The following SNX29 variants were observed in gnomAD, a reference collection of about 807,000 sequenced individuals.
SNX29 encodes sorting nexin-29.
Under a neutral mutation model 102.1 loss-of-function variants are expected in SNX29, and 78 were observed. The observed-to-expected ratio is 0.76, with a 90% CI of 0.64 to 0.92. SNX29 has a LOEUF of 0.92. SNX29 is among the 40% of genes least tolerant of loss of function. SNX29 has a pLI of 0.00. For missense variants in SNX29, 1,280 were observed against 1,061.7 expected, an observed-to-expected ratio of 1.21 and a Z score of -2.86; for synonymous variants, 580 against 414.5, an observed-to-expected ratio of 1.40 and a Z score of -4.85.
intron 19 of SNX29, among the ~76,000 whole-genome samples, chr16:12,483,221 C>G (rs57644734): frequency 0.12 from 16,701 of 141,932 alleles, 1,187 homozygotes; most frequent in African/African-American, 0.21. Context: ...GTTGGCCAGG[C>G]TGGTCTTGAA....
intron 3 of SNX29, among the ~76,000 whole-genome samples, chr16:12,022,213 T>TC (rs2057047720): frequency 6.7e-6 from 1 of 150,056 alleles, no homozygotes; most frequent in African/African-American, 2.4e-5. Context: ...TTTTTTTTTT[T>TC]CTTTGAGGCA....
intron 3 of SNX29, among the ~76,000 whole-genome samples, chr16:12,012,540 C>G (rs925271435): frequency 6.6e-6 from 1 of 152,088 alleles, no homozygotes; most frequent in African/African-American, 2.4e-5. Context: ...TCCCGAGTAG[C>G]TGGGACTACA....
At chr16:12,322,180 G>A (rs1257653365) in intron 15 of SNX29, among the ~76,000 whole-genome samples, 1 of 152,148 alleles carries the variant, frequency 6.6e-6, no homozygotes, top group East Asian at 1.9e-4. Context: ...GGGGACCTAG[G>A]GTAGAACCCA....
intron 13 of SNX29, among the ~76,000 whole-genome samples, chr16:12,147,524 C>G (rs1024357787): frequency 6.6e-6 from 1 of 151,974 alleles, no homozygotes; most frequent in African/African-American, 2.4e-5. Context: ...TTGAGGGATA[C>G]CAAAAGAGCC....
At chr16:12,517,229 CT>C (rs1056661629) in intron 19 of SNX29, among the ~76,000 whole-genome samples, 25 of 152,160 alleles carry the variant, frequency 1.6e-4, no homozygotes, top group Non-Finnish European at 2.9e-4. Context: ...AGTCCTGTGG[CT>C]TCTCATCTGA....
At chr16:12,212,450 T>A (rs2077211334) in intron 14 of SNX29, among the ~76,000 whole-genome samples, 1 of 152,104 alleles carries the variant, frequency 6.6e-6, no homozygotes, top group Non-Finnish European at 1.5e-5. Context: ...TGGGGAAGTG[T>A]TAATAGAACT....
chr16:12,006,060 C>A (rs1488851104), intron 3 of SNX29, among the ~76,000 whole-genome samples: 10 of 151,934 alleles, frequency 6.6e-5, no homozygotes, highest in Admixed American at 6.6e-4. Flanking sequence ...AATAATAGGC[C>A]AGGCGCTGTG....
At chr16:12,039,565 A>G (rs1369200757) in intron 4 of SNX29, among the ~76,000 whole-genome samples, 1 of 151,956 alleles carries the variant, frequency 6.6e-6, no homozygotes, top group Non-Finnish European at 1.5e-5. Flanking sequence ...GTTTCTGGAG[A>G]TGGGTGTACT....
At chr16:12,437,161 T>G (rs2085575506) in intron 18 of SNX29, among the ~76,000 whole-genome samples, 1 of 152,270 alleles carries the variant, frequency 6.6e-6, no homozygotes, top group South Asian at 2.1e-4. Flanking sequence ...AATCCTGTAA[T>G]TTTTCAGGGT....
At chr16:12,080,405 C>T (rs551307368) in intron 11 of SNX29, among the ~76,000 whole-genome samples, 259 of 152,254 alleles carry the variant, frequency 1.7e-3, no homozygotes, top group African/African-American at 5.9e-3. Flanking sequence ...CCCTGAACTC[C>T]GCTGAGCAGG....
chr16:12,477,640 C>G (rs2087716861), intron 18 of SNX29, 79 bp from the exon 19 acceptor site: 1 of 1,555,240 alleles, frequency 6.4e-7, no homozygotes, highest in South Asian at 1.2e-5. Context: ...AGTTGGTTTT[C>G]ATGGGGAAAG....
At chr16:12,407,405 G>A (rs1289976066) in intron 18 of SNX29, among the ~76,000 whole-genome samples, 2 of 151,808 alleles carry the variant, frequency 1.3e-5, no homozygotes, top group Admixed American at 1.3e-4. Flanking sequence ...ATTTACCATG[G>A]TGATGTACAG....
intron 15 of SNX29, among the ~76,000 whole-genome samples, chr16:12,349,392 A>G (rs2081929100): frequency 6.6e-6 from 1 of 152,226 alleles, no homozygotes; most frequent in Admixed American, 6.5e-5. Flanking sequence ...TATTTCAATG[A>G]ACATTTCTAG....
chr16:12,112,352 A>G (rs1428456660), intron 11 of SNX29, among the ~76,000 whole-genome samples: 10 of 152,164 alleles, frequency 6.6e-5, no homozygotes, highest in Non-Finnish European at 1.5e-4. Context: ...CTTGGTGAGG[A>G]GGCAACTCAG....
chr16:12,444,960 T>C (rs985629261), intron 18 of SNX29, among the ~76,000 whole-genome samples: 2 of 151,680 alleles, frequency 1.3e-5, no homozygotes, highest in African/African-American at 4.8e-5. Flanking sequence ...CAAGGGGTTC[T>C]CCTGCGTCAG....
intron 15 of SNX29, among the ~76,000 whole-genome samples, chr16:12,346,050 T>G (rs1447132245): frequency 3.9e-5 from 6 of 152,068 alleles, no homozygotes; most frequent in Non-Finnish European, 4.4e-5. Context: ...ATTGCAGACA[T>G]CATGCAATCT....
intron 19 of SNX29, among the ~76,000 whole-genome samples, chr16:12,496,299 G>C (rs2088818381): frequency 6.6e-6 from 1 of 152,178 alleles, no homozygotes; most frequent in African/African-American, 2.4e-5. Flanking sequence ...GTGTTTCCGT[G>C]GTGGTGGTGA....
intron 14 of SNX29, among the ~76,000 whole-genome samples, chr16:12,245,083 CT>C (rs988072253): frequency 3.9e-4 from 59 of 152,306 alleles, no homozygotes; most frequent in African/African-American, 1.1e-3. Context: ...CCCCGCCCCC[CT>C]AACAAAAATT....
In SNX29 at chr16:12,400,311, C is replaced by T. The variant is rs147732880; in HGVS notation, c.1955+1810C>T. On this transcript the variant is annotated intron_variant, in intron 17 of 20. Transcript: ENST00000566228. ...GCTCCTCTAACCCACTTGGTCCTCTCCCTTTAGGATTATTATTTTACCCAC... is the reference window on the plus strand; with the variant it reads ...GCTCCTCTAACCCACTTGGTCCTCTTCCTTTAGGATTATTATTTTACCCAC... Among the ~76,000 whole-genome samples the T allele has an allele frequency of 1.1e-3, 162 of 152,316 alleles. 2 individuals are homozygous for T. In the East Asian group the frequency reaches 0.02, roughly 19 times the overall value.
Sources: allele counts gnomAD v4.1 joint callset (sites outside exome capture counted in the v4.1 genomes callset), GRCh38; gene constraint gnomAD v4.1.1; transcripts MANE v1.5; gene names NCBI Gene and HGNC (gene_info 2026-07-23, HGNC 2026-07-21).